Variants in MYH14 observed in about 807,000 individuals in gnomAD.
The protein encoded by MYH14 is myosin heavy chain 14.
In MYH14, 123 loss-of-function variants were observed where a neutral mutation model predicts 255.5. The observed-to-expected ratio is 0.48, with a 90% confidence interval of 0.42 to 0.56. MYH14 has a LOEUF of 0.56. Ranked by LOEUF, MYH14 falls within the 20% of genes least tolerant of loss-of-function variation. The pLI is 0.00. For missense variants in MYH14, 2,423 were observed against 2,802.3 expected (o/e 0.86, Z 3.06); for synonymous variants, 1,095 against 1,161.2 (o/e 0.94, Z 1.16).
intron 2 of MYH14, among the ~76,000 whole-genome samples, chr19:50,213,265 T>C (rs2123166269): frequency 6.6e-6 from 1 of 152,242 alleles, no homozygotes; most frequent in South Asian, 2.1e-4. Context: ...TGCCTTTTAA[T>C]AAATACTCTG....
chr19:50,249,025 C>G lies in MYH14; in HGVS notation c.1368C>G (p.Tyr456Ter), dbSNP rs554040475. ...TGGAGGCCCTGGCCAAGGCCACCTACGAGCGCCTCTTCCGCTGGCTGGTTC... is the reference window on the plus strand; with the variant it reads ...TGGAGGCCCTGGCCAAGGCCACCTAGGAGCGCCTCTTCCGCTGGCTGGTTC... ...FALEALAKATYERLFRWLVLR... is the reference protein window; with the variant it reads ...FALEALAKAT The change falls in exon 13 of 43, where the codon TAC becomes TAG. Residue 456 changes from tyrosine to a stop codon, truncating the protein, a stop_gained. Coordinates refer to ENST00000642316, the MANE Select transcript of MYH14 (RefSeq NM_001145809.2). LOFTEE classifies it high-confidence loss of function. 1 of 1,613,628 alleles carries G rather than the reference C, an allele frequency of 6.2e-7. No individual in the cohort carries two copies. The highest frequency in any genetic ancestry group is 1.1e-5 in the South Asian group (1 of 91,014).
intron 41 of MYH14, chr19:50,308,261 G>A (rs1430368991): frequency 6.6e-6 from 1 of 152,222 alleles, no homozygotes; most frequent in Non-Finnish European, 1.5e-5. Flanking sequence ...AAGCAGATTA[G>A]TATGGTCTAG....
At chr19:50,215,750 T>C (rs577846675) in intron 2 of MYH14, among the ~76,000 whole-genome samples, 2 of 152,126 alleles carry the variant, frequency 1.3e-5, no homozygotes, top group African/African-American at 4.8e-5. Context: ...GCCCAGGAGG[T>C]AGAGGCTGCA....
rs2032783501 is a variant in MYH14, at chr19:50,220,856, T to C, written c.563-2227T>C. Among the ~76,000 whole-genome samples the C allele has an allele frequency of 5.3e-5, 8 of 152,286 alleles. No individual in the cohort carries two copies. In the South Asian group the frequency reaches 1.7e-3, roughly 32 times the overall value. On this transcript the variant is annotated intron_variant, in intron 3 of 42. Coordinates refer to ENST00000642316, the MANE Select transcript of MYH14 (RefSeq NM_001145809.2). ...GCATGAGCCACCATGCCCGGCCTAA[T>C]ATGCTTATTTAATATGCATATTAAA...
rs1036253847 is a variant in MYH14, at chr19:50,280,762, G to A, written c.4290+379G>A. 5.3e-5 allele frequency among the ~76,000 whole-genome samples: 8 copies of A among 152,042 alleles called. No individual in the cohort carries two copies. The highest frequency in any genetic ancestry group is 2.6e-4 in the Admixed American group (4 of 15,244). ...CCTCCTCTGCTCACAGCTCTCCCAC[G>A]CCTCCCCAGTACTCCTAGACAAAGT... On this transcript the variant is annotated intron_variant, in intron 32 of 42. Coordinates refer to ENST00000642316, the MANE Select transcript of MYH14 (RefSeq NM_001145809.2). This position sits in a 1 kb window ranked among gnomAD's most constrained non-coding sequence, Gnocchi z 4.8.
chr19:50,267,821 G>A (rs1177123096), intron 23 of MYH14, among the ~76,000 whole-genome samples: 1 of 152,096 alleles, frequency 6.6e-6, no homozygotes, highest in South Asian at 2.1e-4. Context: ...GGGAGGCTGG[G>A]GAGGAGGCTG....
Position 50,286,613 on chromosome 19 carries a change from T to A in MYH14, c.4671T>A (p.Arg1557=), listed in dbSNP as rs2035898453. The A allele has an allele frequency of 5.0e-6, 8 of 1,602,646 alleles. No individual in the cohort carries two copies. Among genetic ancestry groups the A allele is most frequent in the Non-Finnish European group, 6.8e-6 (8 of 1,175,028 alleles). ...CACTGGAGGAGGAGCAGGAGGCACG[T>A]GAGGAGCTGGAGCGGCAGAACCGGG... is the stretch of plus-strand genomic sequence containing the variant. ...TRALEEEQEA[R]EELERQNRAL... Residue 1557 remains arginine, a synonymous_variant, in exon 34 of 43, where the codon CGT becomes CGA. Transcript: ENST00000642316.
intron 39 of MYH14, among the ~76,000 whole-genome samples, chr19:50,298,682 C>T (rs1451944653): frequency 2.7e-5 from 4 of 150,254 alleles, no homozygotes; most frequent in Non-Finnish European, 4.4e-5. Context: ...ACCCAGGAGG[C>T]AGAGGTTACA....
chr19:50,279,699 C>T (rs902500631), intron 30 of MYH14, among the ~76,000 whole-genome samples: 2 of 152,226 alleles, frequency 1.3e-5, no homozygotes, highest in South Asian at 2.1e-4. Flanking sequence ...GAATAATGCC[C>T]GTTGTATGGA....
chr19:50,224,039 T>TTCCCCCTCCCCCCCC, intron 5 of MYH14, 115 bp from the exon 6 acceptor site: 1 of 415,106 alleles, frequency 2.4e-6, no homozygotes, highest in South Asian at 2.8e-5. Context: ...GTTTCCCCAG[T>TTCCCCCTCCCCCCCC]CCCCCTTCCC....
rs564143933 is a variant in MYH14 at position 50,290,404 on chromosome 19, G to A, written c.4966-483G>A. ...TCTCCCCTCTACTAGGTGGTGAGGGGCAGGGGCAGCTCTGGGTGTCAGAAA... is the reference window on the plus strand; with the variant it reads ...TCTCCCCTCTACTAGGTGGTGAGGGACAGGGGCAGCTCTGGGTGTCAGAAA... On this transcript the variant is annotated intron_variant, in intron 35 of 42. Transcript: ENST00000642316. Among the ~76,000 whole-genome samples the A allele has an allele frequency of 7.2e-5, 11 of 152,338 alleles. No homozygotes were observed. In the South Asian group the frequency reaches 1.0e-3, roughly 14 times the overall value.
At chr19:50,291,274 C>T (rs1055022546) in intron 36 of MYH14, among the ~76,000 whole-genome samples, 1 of 151,634 alleles carries the variant, frequency 6.6e-6, no homozygotes, top group African/African-American at 2.4e-5. Context: ...CAAATTTCCT[C>T]ATTTTTTTGT....
intron 39 of MYH14, among the ~76,000 whole-genome samples, chr19:50,297,284 A>T (rs970559611): frequency 6.6e-6 from 1 of 151,550 alleles, no homozygotes; most frequent in East Asian, 2.0e-4. Flanking sequence ...GCGCCCGGCC[A>T]GGAATGTATT....
intron 17 of MYH14, among the ~76,000 whole-genome samples, chr19:50,257,081 GT>G (rs1461915917): frequency 3.9e-5 from 6 of 152,344 alleles, no homozygotes; most frequent in Non-Finnish European, 5.9e-5. Context: ...CGGATCTTCA[GT>G]TTCTAAGCTG....
chr19:50,207,310 A>AGAGAGAGAGG (rs1303059650), intron 1 of MYH14, among the ~76,000 whole-genome samples: 1 of 148,890 alleles, frequency 6.7e-6, no homozygotes, highest in Non-Finnish European at 1.5e-5. Context: ...AGAGAGAGAG[A>AGAGAGAGAGG]GAGACTAGGG....
chr19:50,303,488 A>G (rs1467381268), intron 40 of MYH14, among the ~76,000 whole-genome samples: 1 of 152,162 alleles, frequency 6.6e-6, no homozygotes, highest in Non-Finnish European at 1.5e-5. Flanking sequence ...GCCATATCCT[A>G]TTAACCAAAG....
intron 2 of MYH14, 97 bp downstream of exon 2, chr19:50,210,867 T>C: frequency 3.3e-6 from 5 of 1,499,566 alleles, no homozygotes; most frequent in Non-Finnish European, 4.4e-6. Flanking sequence ...CTTGAGGCTG[T>C]TTATCATCTG....
intron 15 of MYH14, among the ~76,000 whole-genome samples, chr19:50,251,634 G>T (rs1351778940): frequency 6.6e-6 from 1 of 151,818 alleles, no homozygotes; most frequent in Admixed American, 6.6e-5. Context: ...CTGGAGTGCA[G>T]TGGCACGATC....
chr19:50,238,547 G>T (rs374765973), intron 10 of MYH14, among the ~76,000 whole-genome samples: 1 of 151,962 alleles, frequency 6.6e-6, no homozygotes, highest in East Asian at 1.9e-4. Context: ...CACCTCCCTG[G>T]TTCAAGCAAT....
Sources: gnomAD v4.1 joint callset for allele counts (sites outside exome capture counted in the v4.1 genomes callset) on GRCh38, gnomAD v4.1.1 for gene constraint, Gnocchi (gnomAD v3.1) non-coding constraint, MANE v1.5 for transcripts, NCBI Gene and HGNC (gene_info 2026-07-23, HGNC 2026-07-21) for gene names.